Variants in POR observed in about 807,000 individuals in gnomAD.
The protein encoded by POR is NADPH--cytochrome P450 reductase.
In POR, 56 loss-of-function variants were observed where a neutral mutation model predicts 84.0. That is an observed-to-expected ratio of 0.67 (90% CI 0.54 to 0.83). The LOEUF (loss-of-function observed/expected upper bound fraction) is 0.83. POR is among the 40% of genes least tolerant of loss of function. POR has a pLI of 0.00. For synonymous variants in POR, 414 were observed against 400.5 expected (o/e 1.03, Z -0.40); for missense variants, 938 against 944.3 (o/e 0.99, Z 0.09).
rs1360776535 is a variant in POR at position 75,918,447 on chromosome 7, C to T, written c.-5+3268C>T. Among the ~76,000 whole-genome samples the T allele has an allele frequency of 2.0e-5, 3 of 152,176 alleles. No homozygotes were observed. The East Asian group carries it at 5.8e-4, about 29-fold the overall frequency. ...TTACCTGCTTGCATAGGCCGCTGAC[C>T]TATACCAAGCCTTAGTTTCTTCATC... On this transcript the variant is annotated intron_variant, in intron 1 of 15. Coordinates refer to ENST00000461988, the MANE Select transcript of POR (RefSeq NM_000941.3).
chr7:75,984,356 C>T (rs1466910599), intron 10 of POR, among the ~76,000 whole-genome samples: 2 of 152,170 alleles, frequency 1.3e-5, no homozygotes, highest in East Asian at 1.9e-4. Context: ...CCTCGGACCC[C>T]ACTGGTCACC....
At chr7:75,947,599 T>A (rs1408945018) in intron 1 of POR, among the ~76,000 whole-genome samples, 2 of 152,140 alleles carry the variant, frequency 1.3e-5, no homozygotes, top group African/African-American at 4.8e-5. Context: ...CCGGCCCCAA[T>A]GTGTGTTTTA....
At chr7:75,975,510 C>T (rs151107469) in intron 3 of POR, among the ~76,000 whole-genome samples, 12 of 152,190 alleles carry the variant, frequency 7.9e-5, no homozygotes, top group Admixed American at 1.3e-4. Context: ...CACAGTGGTG[C>T]GCACCTATAG....
chr7:75,919,681 C>T (rs1187821574), intron 1 of POR, among the ~76,000 whole-genome samples: 1 of 152,124 alleles, frequency 6.6e-6, no homozygotes, highest in Non-Finnish European at 1.5e-5. Context: ...CATGAGCCAC[C>T]GCGCCCAGCC....
In POR at chr7:75,983,604, C is replaced by G. The variant is rs782714407; in HGVS notation, c.915C>G (p.His305Gln). The change falls in exon 9 of 16, where the codon CAC becomes CAG. Residue 305 changes from histidine to glutamine, a missense_variant. Transcript: ENST00000461988. The stretch of plus-strand genomic sequence containing the variant: ...AGGGAACCGAGCGCCACCTCATGCA[C>G]CTGGAATTGGACATCTCGGACTCCA... The G allele has an allele frequency of 6.2e-7, 1 of 1,613,092 alleles. No individual in the cohort carries two copies. Among genetic ancestry groups the G allele is most frequent in the Non-Finnish European group, 8.5e-7 (1 of 1,179,832 alleles).
intron 1 of POR, among the ~76,000 whole-genome samples, chr7:75,939,310 T>C (rs541637075): frequency 1.4e-3 from 207 of 152,368 alleles, no homozygotes; most frequent in African/African-American, 4.7e-3. Flanking sequence ...TCGCACTCCC[T>C]GGCATCCTTA....
At chr7:75,985,330 C>T (rs1585134430) in intron 12 of POR, 123 bp downstream of exon 12, 50 of 1,319,240 alleles carry the variant, frequency 3.8e-5, no homozygotes, top group Non-Finnish European at 4.6e-5. Context: ...CCAGCCCCAG[C>T]GCAGCTCCAA....
chr7:75,981,673 G>A, intron 7 of POR, 67 bp downstream of exon 7: 2 of 1,358,102 alleles, frequency 1.5e-6, no homozygotes, highest in Non-Finnish European at 2.1e-6. Context: ...AGCCACCCTG[G>A]AACAAGGGCT....
chr7:75,963,585 C>CTG (rs1788045131), intron 2 of POR, among the ~76,000 whole-genome samples: 1 of 152,188 alleles, frequency 6.6e-6, no homozygotes, highest in African/African-American at 2.4e-5. Flanking sequence ...GGAGAGGGAG[C>CTG]TGTGGATGGC....
chr7:75,976,275 T>C (rs1788682244), intron 3 of POR, among the ~76,000 whole-genome samples: 1 of 152,140 alleles, frequency 6.6e-6, no homozygotes, highest in Non-Finnish European at 1.5e-5. Context: ...AAACCCTGTC[T>C]CTACTAAAAA....
chr7:75,947,390 C>G (rs1271547257), intron 1 of POR: 1 of 152,726 alleles, frequency 6.5e-6, no homozygotes, highest in East Asian at 1.9e-4. Context: ...ATTCTCCTGC[C>G]TCAGCCTCCC....
intron 2 of POR, among the ~76,000 whole-genome samples, chr7:75,965,191 T>C (rs1332766750): frequency 6.6e-6 from 1 of 152,126 alleles, no homozygotes; most frequent in African/African-American, 2.4e-5. Flanking sequence ...AGGAGGCTGC[T>C]GGCCTCAGCC....
At chr7:75,980,558 G>C in intron 5 of POR, 70 bp downstream of exon 5, 1 of 1,612,140 alleles carries the variant, frequency 6.2e-7, no homozygotes, top group Non-Finnish European at 8.5e-7. Flanking sequence ...CCAGATCCAT[G>C]TATCTGAAAG....
intron 1 of POR, among the ~76,000 whole-genome samples, chr7:75,949,433 C>A (rs1157668273): frequency 6.7e-6 from 1 of 150,156 alleles, no homozygotes; most frequent in Non-Finnish European, 1.5e-5. Flanking sequence ...GGATTACAGG[C>A]GTGAGCCACT....
At chr7:75,981,260 C>T (rs1003114590) in intron 6 of POR, 88 bp downstream of exon 6, 27 of 1,451,570 alleles carry the variant, frequency 1.9e-5, no homozygotes, top group Non-Finnish European at 2.2e-5. Flanking sequence ...ATTGTGTCAG[C>T]TGAGACTCAG....
chr7:75,977,308 G>A (rs999492515), intron 3 of POR, among the ~76,000 whole-genome samples: 2 of 152,208 alleles, frequency 1.3e-5, no homozygotes, highest in Non-Finnish European at 2.9e-5. Flanking sequence ...TATCACAGAA[G>A]CAACCTGCAA....
At chr7:75,937,244 C>T (rs1167963544) in intron 1 of POR, among the ~76,000 whole-genome samples, 4 of 145,868 alleles carry the variant, frequency 2.7e-5, no homozygotes, top group Non-Finnish European at 4.5e-5. Context: ...CAGTTGAGAT[C>T]GGGAGTTTGA....
intron 4 of POR, 81 bp downstream of exon 4, chr7:75,979,660 G>A: frequency 1.3e-6 from 2 of 1,563,546 alleles, no homozygotes. Flanking sequence ...CCCTCAGCAG[G>A]GGGAGGCCGG....
intron 1 of POR, among the ~76,000 whole-genome samples, chr7:75,951,208 G>A (rs1245039730): frequency 1.3e-5 from 2 of 151,748 alleles, no homozygotes; most frequent in Non-Finnish European, 2.9e-5. Flanking sequence ...CAGCCTGGCT[G>A]ACATGGTGAA....
Sources: gnomAD v4.1 joint callset for allele counts (sites outside exome capture counted in the v4.1 genomes callset) on GRCh38, gnomAD v4.1.1 for gene constraint, MANE v1.5 for transcripts, NCBI Gene and HGNC (gene_info 2026-07-23, HGNC 2026-07-21) for gene names.